ESF1: variants seen among roughly 807,000 people sequenced by gnomAD.
ESF1 encodes the protein ESF1 nucleolar pre-rRNA processing protein, also known as ESF1 homolog.
A neutral mutation model predicts 92.0 loss-of-function variants in ESF1; 58 were observed. The ratio of observed to expected loss-of-function variants is 0.63; its 90% confidence interval spans 0.51 to 0.78. ESF1 has a LOEUF of 0.78. Ranked by LOEUF, ESF1 falls within the 30% of genes least tolerant of loss-of-function variation. ESF1 has a pLI of 0.00. For synonymous variants in ESF1, 321 were observed against 313.7 expected (o/e 1.02, Z -0.24); for missense variants, 922 against 989.1 (o/e 0.93, Z 0.91).
At chr20:13,769,318 T>C (rs1013639364) in intron 7 of ESF1, among the ~76,000 whole-genome samples, 1 of 151,514 alleles carries the variant, frequency 6.6e-6, no homozygotes, top group Non-Finnish European at 1.5e-5. Flanking sequence ...GACAGAAGAG[T>C]GTATAGGAGA....
chr20:13,731,459 G>A (rs13038977), intron 10 of ESF1, among the ~76,000 whole-genome samples: 10,771 of 150,848 alleles, frequency 0.071, 425 homozygotes, highest in Non-Finnish European at 0.087. Flanking sequence ...GTGAACCCGG[G>A]AGGTGGAGCT....
intron 3 of ESF1, 61 bp downstream of exon 3, chr20:13,775,811 CA>C: frequency 6.6e-7 from 1 of 1,518,964 alleles, no homozygotes; most frequent in East Asian, 2.3e-5. Context: ...TCAGTTCTAC[CA>C]GCCATAAAAG....
chr20:13,727,866 T>C (rs1346129525), intron 11 of ESF1, among the ~76,000 whole-genome samples: 1 of 152,212 alleles, frequency 6.6e-6, no homozygotes, highest in African/African-American at 2.4e-5. Context: ...TAGATGCTTT[T>C]GTATGTTTCA....
rs1306878234 is a variant in ESF1, at chr20:13,769,991, A to G, written c.1434T>C (p.Asp478=). 6.2e-7 allele frequency: 1 copy of G among 1,610,280 alleles called. No homozygotes were observed. ...CTTCTGAGGCTACATCCTTAGGCTCATCATCAAAAGTAATATCATCTGGTA... is the reference window on the plus strand; with the variant it reads ...CTTCTGAGGCTACATCCTTAGGCTCGTCATCAAAAGTAATATCATCTGGTA... The part of the protein sequence containing the change: ...RFIPDDITFD[D]EPKDVASEVN... The change falls in exon 7 of 14, where the codon GAT becomes GAC. Residue 478 remains aspartate (D), a synonymous_variant. Coordinates refer to ENST00000617257, the MANE Select transcript of ESF1 (RefSeq NM_001276380.2).
rs145520639 is a variant in ESF1 at position 13,728,733 on chromosome 20, G to A, written c.1951-268C>T. Among the ~76,000 whole-genome samples the A allele has an allele frequency of 3.4e-3, 509 of 151,860 alleles. 4 individuals carry two copies. The highest frequency in any genetic ancestry group is 0.011 in the African/African-American group (475 of 41,392). On this transcript the variant is annotated intron_variant, in intron 10 of 13. Transcript: ENST00000617257. ...TACAAAAAAATTCGCTGGGCATGGT[G>A]GTGCATGCCTGTAGTCCCAGCTCCT...
At chr20:13,755,497 T>C (rs1003573127) in intron 9 of ESF1, among the ~76,000 whole-genome samples, 1 of 152,148 alleles carries the variant, frequency 6.6e-6, no homozygotes, top group Non-Finnish European at 1.5e-5. Context: ...CGAGGTACAT[T>C]TCTTGATGAA....
At chr20:13,716,803 GATTTTTTTTTTTT>G (rs2049829834) in intron 13 of ESF1, among the ~76,000 whole-genome samples, 1 of 58,462 alleles carries the variant, frequency 1.7e-5, no homozygotes, top group African/African-American at 6.1e-5. Flanking sequence ...ACTATACCTG[GATTTTTTTTTTTT>G]TTTTTTTTTT....
intron 9 of ESF1, among the ~76,000 whole-genome samples, chr20:13,748,588 A>T (rs1310523786): frequency 0.047 from 2,901 of 61,448 alleles, 104 homozygotes; most frequent in South Asian, 0.15. Flanking sequence ...ATATATATAT[A>T]TATATTTTTT....
chr20:13,762,862 T>G (rs1979263004), intron 8 of ESF1: 2 of 337,580 alleles, frequency 5.9e-6, no homozygotes, highest in African/African-American at 4.9e-5. Context: ...AAGTTTTTTT[T>G]TTTTTTTTTT....
intron 9 of ESF1, among the ~76,000 whole-genome samples, chr20:13,758,636 G>A (rs1979012105): frequency 6.6e-6 from 1 of 152,144 alleles, no homozygotes; most frequent in Non-Finnish European, 1.5e-5. Context: ...ACACCTTTAA[G>A]TTTTAAGCAA....
intron 1 of ESF1, among the ~76,000 whole-genome samples, 194 bp from the exon 2 acceptor site, chr20:13,783,377 T>C (rs937984880): frequency 6.6e-6 from 1 of 152,162 alleles, no homozygotes; most frequent in African/African-American, 2.4e-5. Flanking sequence ...TACCAAAATA[T>C]CCTCTTTCCA....
intron 13 of ESF1, among the ~76,000 whole-genome samples, chr20:13,716,642 CTTT>C (rs1274212917): frequency 7.5e-5 from 10 of 132,858 alleles, no homozygotes; most frequent in Non-Finnish European, 9.8e-5. Context: ...CTTTTTTTTT[CTTT>C]TTTTTTTTTT....
Position 13,714,948 on chromosome 20 carries a change from A to C in ESF1, c.2482T>G (p.Leu828Val). ...TTTATAGATTTAATCAACATTGACA[A>C]AGCAGGATCAATGGACTTCCTTTGT... is the stretch of plus-strand genomic sequence containing the variant. ...ESQRKSIDPA[L>V]SMLIKSIKTK... Residue 828 changes from leucine to valine, a missense_variant, in exon 14 of 14, where the codon TTG (leucine) becomes GTG (valine). By Grantham distance (32) the Leu-to-Val change is conservative (BLOSUM62 1). Transcript: ENST00000617257. 1 of 1,613,960 alleles carries C rather than the reference A, an allele frequency of 6.2e-7. No homozygotes were observed.
At chr20:13,744,983 ACTCTATGAC>A (rs2050038649) in intron 9 of ESF1, among the ~76,000 whole-genome samples, 1 of 152,170 alleles carries the variant, frequency 6.6e-6, no homozygotes, top group South Asian at 2.1e-4. Flanking sequence ...TCTGTTCAAT[ACTCTATGAC>A]AAGAACAGAG....
chr20:13,734,173 T>C (rs1452155228), intron 9 of ESF1, among the ~76,000 whole-genome samples: 2 of 152,224 alleles, frequency 1.3e-5, no homozygotes, highest in Non-Finnish European at 2.9e-5. Context: ...ACTTTTCTGT[T>C]TTGAGATGCT....
intron 10 of ESF1, among the ~76,000 whole-genome samples, chr20:13,730,464 C>A (rs564583645): frequency 1.3e-5 from 2 of 150,174 alleles, no homozygotes; most frequent in South Asian, 2.1e-4. Flanking sequence ...GCTCACTGCA[C>A]GCTCCACCTC....
At chr20:13,752,352 T>C (rs376018734) in intron 9 of ESF1, among the ~76,000 whole-genome samples, 1 of 152,324 alleles carries the variant, frequency 6.6e-6, no homozygotes, top group East Asian at 1.9e-4. Context: ...TGTGACCTGG[T>C]TTCCTCCCCA....
At chr20:13,717,253 C>A (rs903084805) in intron 13 of ESF1, 115 bp downstream of exon 13, 1 of 1,280,504 alleles carries the variant, frequency 7.8e-7, no homozygotes, top group Non-Finnish European at 1.1e-6. Flanking sequence ...AGCCACTGCA[C>A]CGGGCCCCTA....
intron 11 of ESF1, among the ~76,000 whole-genome samples, chr20:13,724,629 A>G (rs746541427): frequency 1.3e-5 from 2 of 152,256 alleles, no homozygotes; most frequent in Non-Finnish European, 1.5e-5. Context: ...ACTTCTCATT[A>G]AATCCATCTA....
Sources: allele counts gnomAD v4.1 joint callset (sites outside exome capture counted in the v4.1 genomes callset), GRCh38; gene constraint gnomAD v4.1.1; transcripts MANE v1.5; gene names NCBI Gene and HGNC (gene_info 2026-07-23, HGNC 2026-07-21).